Variants in SHPRH observed in about 807,000 individuals in gnomAD.
SHPRH encodes E3 ubiquitin-protein ligase SHPRH.
A neutral mutation model predicts 202.5 loss-of-function variants in SHPRH; 106 were observed. That is an observed-to-expected ratio of 0.52 (90% confidence interval 0.45 to 0.62). The LOEUF is 0.62. Ranked by LOEUF, SHPRH falls within the 20% of genes least tolerant of loss-of-function variation. The probability of loss-of-function intolerance (pLI) is 0.00; values close to 1 mark genes in which losing one functional copy is unlikely to be tolerated. For missense variants in SHPRH, 1,710 were observed against 2,020.0 expected (o/e 0.85, Z 2.94); for synonymous variants, 729 against 686.0 (o/e 1.06, Z -0.98).
intron 15 of SHPRH, among the ~76,000 whole-genome samples, chr6:145,926,754 A>T (rs750972124): frequency 6.6e-6 from 1 of 151,998 alleles, no homozygotes. Flanking sequence ...GAAGGGAAAG[A>T]GAAATAAGTG....
At chr6:145,945,104 C>T (rs879855826) in intron 8 of SHPRH, among the ~76,000 whole-genome samples, 10 of 152,012 alleles carry the variant, frequency 6.6e-5, no homozygotes, top group Non-Finnish European at 1.2e-4. Flanking sequence ...CTCTATAATA[C>T]GCTTAGCCAA....
chr6:145,959,044 C>G (rs536303899), intron 1 of SHPRH, among the ~76,000 whole-genome samples: 1 of 152,092 alleles, frequency 6.6e-6, no homozygotes, highest in South Asian at 2.1e-4. Context: ...CATGTGTTAG[C>G]CAGGATGGTT....
chr6:145,936,527 A>C, intron 11 of SHPRH, among the ~76,000 whole-genome samples: 1 of 151,654 alleles, frequency 6.6e-6, no homozygotes, highest in East Asian at 1.9e-4. Flanking sequence ...GGGCTTCCCT[A>C]TGTTGCCCAG....
downstream of SHPRH, among the ~76,000 whole-genome samples, chr6:145,859,692 T>C (rs1779519786): frequency 6.6e-6 from 1 of 152,064 alleles, no homozygotes. Flanking sequence ...TGCTTCTAAA[T>C]TATGTTGTTT....
intron 2 of SHPRH, among the ~76,000 whole-genome samples, chr6:145,865,737 T>C (rs769964440): frequency 1.3e-5 from 2 of 152,248 alleles, no homozygotes; most frequent in Non-Finnish European, 2.9e-5. Flanking sequence ...AGAGTTGGGT[T>C]CAGCTGCATC....
chr6:145,882,958 C>T (rs181879194), downstream of SHPRH, among the ~76,000 whole-genome samples: 2 of 152,142 alleles, frequency 1.3e-5, no homozygotes, highest in Admixed American at 6.5e-5. Context: ...TGGGAAGATC[C>T]CATAGGTCGA....
chr6:145,932,977 A>G, intron 14 of SHPRH, 80 bp downstream of exon 14: 1 of 1,474,164 alleles, frequency 6.8e-7, no homozygotes, highest in Non-Finnish European at 9.2e-7. Flanking sequence ...CCCCCCCAAA[A>G]ATCAAAATCT....
chr6:145,908,189 T>C (rs1210764989), intron 25 of SHPRH: 2 of 152,132 alleles, frequency 1.3e-5, no homozygotes, highest in Non-Finnish European at 2.9e-5. Flanking sequence ...ATTGGTTCCA[T>C]ATATTTGTTA....
chr6:145,954,756 C>T lies in SHPRH; in HGVS notation c.567G>A (p.Leu189=), dbSNP rs767036672. 69 of 1,612,238 alleles carry T rather than the reference C, an allele frequency of 4.3e-5. No individual in the cohort carries two copies. The highest frequency in any genetic ancestry group is 5.8e-5 in the Non-Finnish European group (69 of 1,179,522). ...TTCTTCTCTTCTTTTGTAGCCACCCCAAATCTTCTAACATTTCACCACTGA... is the reference window on the plus strand; with the variant it reads ...TTCTTCTCTTCTTTTGTAGCCACCCTAAATCTTCTAACATTTCACCACTGA... ...SSFSGEMLED[L]GWLQKKRRIK... The change falls in exon 2 of 30, where the codon TTG becomes TTA. Residue 189 remains leucine (L), a synonymous_variant. Coordinates refer to ENST00000275233, the MANE Select transcript of SHPRH (RefSeq NM_001042683.3).
At chr6:145,913,607 A>T in intron 23 of SHPRH, 58 bp from the exon 24 acceptor site, 1 of 1,441,860 alleles carries the variant, frequency 6.9e-7, no homozygotes, top group Non-Finnish European at 9.5e-7. Flanking sequence ...AAAACCTGAT[A>T]TATGTTTTGC....
chr6:145,934,078 C>A (rs1012220883), intron 13 of SHPRH, among the ~76,000 whole-genome samples: 1 of 152,200 alleles, frequency 6.6e-6, no homozygotes, highest in Non-Finnish European at 1.5e-5. Context: ...GTGGTTCATG[C>A]CTGTCATCCC....
Position 145,922,856 on chromosome 6 carries a change from C to T in SHPRH, c.3546-20G>A. 6.4e-7 allele frequency: 1 copy of T among 1,566,534 alleles called. No homozygotes were observed. On this transcript the variant is annotated intron_variant, in intron 18 of 29. Coordinates refer to ENST00000275233, the MANE Select transcript of SHPRH (RefSeq NM_001042683.3). Reference sequence around the variant, plus strand: ...CGGAACCTGATTCCCACACCAGCACCACACACAATACAAAGAAAAGAATAA... The same window carrying T: ...CGGAACCTGATTCCCACACCAGCACTACACACAATACAAAGAAAAGAATAA...
intron 11 of SHPRH, among the ~76,000 whole-genome samples, chr6:145,940,492 C>T (rs1348558641): frequency 6.6e-6 from 1 of 151,162 alleles, no homozygotes; most frequent in Non-Finnish European, 1.5e-5. Flanking sequence ...AATTGTTCAA[C>T]TTAAGGCAAT....
chr6:145,900,931 G>C, intron 25 of SHPRH, among the ~76,000 whole-genome samples: 1 of 151,932 alleles, frequency 6.6e-6, no homozygotes, highest in East Asian at 1.9e-4. Flanking sequence ...GCAAATGTGG[G>C]GGGCCAACTA....
intron 2 of SHPRH, among the ~76,000 whole-genome samples, chr6:145,953,049 C>T (rs566079714): frequency 6.6e-6 from 1 of 152,096 alleles, no homozygotes; most frequent in East Asian, 1.9e-4. Flanking sequence ...GAAAAATAAC[C>T]TATTGATTTT....
chr6:145,871,532 C>G (rs897799146), intron 2 of SHPRH: 3 of 152,086 alleles, frequency 2.0e-5, no homozygotes, highest in Non-Finnish European at 4.4e-5. Flanking sequence ...AAGCACTGCT[C>G]AAAGAAATCA....
intron 14 of SHPRH, among the ~76,000 whole-genome samples, chr6:145,931,322 T>C (rs1486957194): frequency 6.6e-6 from 1 of 151,884 alleles, no homozygotes; most frequent in East Asian, 1.9e-4. Context: ...TTTTCTTTTT[T>C]TTGAAGATTT....
intron 25 of SHPRH, among the ~76,000 whole-genome samples, chr6:145,897,935 C>A (rs1180636905): frequency 6.6e-6 from 1 of 152,098 alleles, no homozygotes; most frequent in East Asian, 1.9e-4. Flanking sequence ...AAGCTCAAAG[C>A]TTTTCCTTTA....
At chr6:145,926,153 T>C (rs541422611) in intron 16 of SHPRH, 51 bp downstream of exon 16, 4 of 1,491,310 alleles carry the variant, frequency 2.7e-6, no homozygotes, top group South Asian at 2.3e-5. Context: ...ATATGGAGCA[T>C]AAAGTTTGAA....
Sources: allele counts gnomAD v4.1 joint callset (sites outside exome capture counted in the v4.1 genomes callset), GRCh38; gene constraint gnomAD v4.1.1; transcripts MANE v1.5; gene names NCBI Gene and HGNC (gene_info 2026-07-23, HGNC 2026-07-21).